The following ADAM22 variants were observed in gnomAD, a reference collection of about 807,000 sequenced individuals.
ADAM22 encodes the protein ADAM metallopeptidase domain 22, also known as disintegrin and metalloproteinase domain-containing protein 22.
Under a neutral mutation model 144.6 loss-of-function variants are expected in ADAM22, and 65 were observed. That is an observed-to-expected ratio of 0.45 (90% CI 0.37 to 0.55). The LOEUF is 0.55. Among genes scored for constraint, ADAM22 ranks in the 20% least tolerant of loss-of-function variants. The pLI is 0.00. For synonymous variants in ADAM22, 391 were observed against 412.6 expected (o/e 0.95, Z 0.63); for missense variants, 974 against 1,184.9 (o/e 0.82, Z 2.61).
intron 2 of ADAM22, among the ~76,000 whole-genome samples, chr7:87,967,331 T>C (rs928925093): frequency 6.6e-6 from 1 of 152,194 alleles, no homozygotes; most frequent in Non-Finnish European, 1.5e-5. Context: ...TCCATGAGAA[T>C]TGGCCATACT....
At chr7:87,981,031 C>A (rs966340225) in intron 3 of ADAM22, among the ~76,000 whole-genome samples, 1 of 152,114 alleles carries the variant, frequency 6.6e-6, no homozygotes, top group African/African-American at 2.4e-5. Context: ...ATTATCTGAG[C>A]AATTCAGTCC....
chr7:88,149,488 T>A (rs1837687324), intron 18 of ADAM22, among the ~76,000 whole-genome samples: 1 of 152,178 alleles, frequency 6.6e-6, no homozygotes, highest in African/African-American at 2.4e-5. Flanking sequence ...CAGCCATCAA[T>A]AGCTGCTCTT....
chr7:88,177,566 G>A (rs1335806427), intron 26 of ADAM22, among the ~76,000 whole-genome samples: 1 of 152,082 alleles, frequency 6.6e-6, no homozygotes, highest in Non-Finnish European at 1.5e-5. Flanking sequence ...ACTTTCTTTA[G>A]TAAACATAAA....
intron 3 of ADAM22, among the ~76,000 whole-genome samples, chr7:88,058,836 A>C (rs1032935372): frequency 6.6e-6 from 1 of 152,196 alleles, no homozygotes. Context: ...AATATAGAAC[A>C]TATACTGTGT....
In ADAM22 at chr7:88,181,816, T is replaced by G. The variant is rs143372472; in HGVS notation, c.2597-142T>G. 7.6e-4 allele frequency: 642 copies of G among 843,356 alleles called. 4 individuals carry two copies. In the African/African-American group the frequency reaches 9.8e-3, roughly 13 times the overall value. 52.2% of individuals were successfully genotyped at this position (843,356 alleles called of 1,614,324 possible). ...CACTAGACACTTTGTGAAATTTAAT[T>G]TGAGAAAGCTGTACAGTGTGACAAA... On this transcript the variant is annotated intron_variant, in intron 28 of 31. Transcript: ENST00000413139.
chr7:88,080,062 G>C (rs61598739), intron 4 of ADAM22, among the ~76,000 whole-genome samples: 85,146 of 151,960 alleles, frequency 0.56, 24,984 homozygotes, highest in East Asian at 0.88. Flanking sequence ...CAGCACCACA[G>C]CACACCTATT....
intron 3 of ADAM22, among the ~76,000 whole-genome samples, chr7:88,022,464 A>G (rs1277904967): frequency 6.6e-6 from 1 of 152,204 alleles, no homozygotes; most frequent in Non-Finnish European, 1.5e-5. Flanking sequence ...TAATAAGATG[A>G]TTTATATTCA....
intron 4 of ADAM22, among the ~76,000 whole-genome samples, chr7:88,087,587 G>C (rs944491898): frequency 6.6e-6 from 1 of 152,110 alleles, no homozygotes; most frequent in Admixed American, 6.6e-5. Flanking sequence ...AAAAGTAAAA[G>C]TAGACATCTT....
At chr7:88,003,711 AC>A (rs1461563343) in intron 3 of ADAM22, among the ~76,000 whole-genome samples, 1 of 152,204 alleles carries the variant, frequency 6.6e-6, no homozygotes, top group Non-Finnish European at 1.5e-5. Context: ...ATTTTCAGAA[AC>A]CTTAAAAAAA....
chr7:88,151,441 A>G (rs1838359976), intron 20 of ADAM22, 121 bp downstream of exon 20: 2 of 1,135,184 alleles, frequency 1.8e-6, no homozygotes, highest in Non-Finnish European at 2.6e-6. Flanking sequence ...CAAAGCTACC[A>G]CAGGTCTTAG....
chr7:87,935,235 C>T (rs1332521287), intron 2 of ADAM22, 49 bp downstream of exon 2: 1 of 1,500,608 alleles, frequency 6.7e-7, no homozygotes, highest in Non-Finnish European at 8.9e-7. Context: ...CCGGCCCACC[C>T]GAGACCCCAC....
intron 3 of ADAM22, among the ~76,000 whole-genome samples, chr7:87,987,277 C>G (rs947743357): frequency 1.3e-5 from 2 of 152,140 alleles, no homozygotes; most frequent in Non-Finnish European, 2.9e-5. Flanking sequence ...CTCCCGGGCT[C>G]AAGCAATTCT....
At chr7:88,142,695 G>A (rs1401263449) in intron 14 of ADAM22, among the ~76,000 whole-genome samples, 2 of 152,118 alleles carry the variant, frequency 1.3e-5, no homozygotes, top group East Asian at 3.9e-4. Flanking sequence ...AAAATTAGCT[G>A]GGCATGGTGG....
At chr7:88,091,736 C>T (rs936296868) in intron 4 of ADAM22, among the ~76,000 whole-genome samples, 15 of 152,106 alleles carry the variant, frequency 9.9e-5, no homozygotes, top group African/African-American at 3.4e-4. Flanking sequence ...TGTAGTTTAT[C>T]CTCCCTATGG....
At chr7:87,993,373 A>T (rs1584885454) in intron 3 of ADAM22, among the ~76,000 whole-genome samples, 1 of 152,296 alleles carries the variant, frequency 6.6e-6, no homozygotes, top group Non-Finnish European at 1.5e-5. Flanking sequence ...AACCCTAATG[A>T]TATCTGTAAT....
chr7:88,198,885 C>T lies in ADAM22; in HGVS notation c.*2394C>T. 1 of 147,836 alleles carries T rather than the reference C, an allele frequency of 6.8e-6. No individual in the cohort carries two copies. The highest frequency in any genetic ancestry group is 1.9e-4 in the East Asian group (1 of 5,182). The allele number at this position is 147,836 out of a possible 1,614,324, so 9.2% of individuals were successfully genotyped here. A position where few individuals can be genotyped will look rare whatever the true frequency, so the allele number is the denominator to read the frequency against. Reference sequence around the variant, plus strand: ...CCTTGGTAATAACCTTCCTGTGGAACTGACTAAAAATTTTTGTTTTATTTG... The same window carrying T: ...CCTTGGTAATAACCTTCCTGTGGAATTGACTAAAAATTTTTGTTTTATTTG... On this transcript the variant is annotated 3_prime_UTR_variant, in exon 32 of 32. Transcript: ENST00000413139.
chr7:88,159,580 C>T (rs534472669), intron 22 of ADAM22, among the ~76,000 whole-genome samples: 92 of 152,128 alleles, frequency 6.0e-4, no homozygotes, highest in South Asian at 3.5e-3. Context: ...GCTTTGTTCC[C>T]GGGTTCCAAG....
intron 3 of ADAM22, among the ~76,000 whole-genome samples, chr7:88,036,828 C>T (rs1372545148): frequency 5.3e-5 from 8 of 152,166 alleles, no homozygotes; most frequent in Non-Finnish European, 2.9e-5. Context: ...AGAGCCTCCT[C>T]CTATGTAATC....
intron 3 of ADAM22, among the ~76,000 whole-genome samples, chr7:88,000,193 T>TAAAC (rs1352237653): frequency 6.6e-6 from 1 of 152,154 alleles, no homozygotes; most frequent in African/African-American, 2.4e-5. Flanking sequence ...TTTTGAAAAA[T>TAAAC]AAACAGCTCC....
Sources: allele counts gnomAD v4.1 joint callset (sites outside exome capture counted in the v4.1 genomes callset), GRCh38; gene constraint gnomAD v4.1.1; transcripts MANE v1.5; gene names NCBI Gene and HGNC (gene_info 2026-07-23, HGNC 2026-07-21).